Variants in TTN observed in about 807,000 individuals in gnomAD.
TTN encodes connectin.
A neutral mutation model predicts 3,223.0 loss-of-function variants in TTN; 1,525 were observed. That is an observed-to-expected ratio of 0.47 (90% CI 0.45 to 0.49). TTN has a LOEUF of 0.49. Among genes scored for constraint, TTN ranks in the 20% least tolerant of loss-of-function variants. The pLI, the probability that TTN is intolerant of heterozygous loss-of-function variation, is 0.00. For missense variants in TTN, 40,786 were observed against 43,424.0 expected, an observed-to-expected ratio of 0.94 and a Z score of 5.40; for synonymous variants, 14,094 against 15,161.0, an observed-to-expected ratio of 0.93 and a Z score of 5.17.
chr2:178,757,644 T>C lies in TTN; in HGVS notation c.10576A>G (p.Ile3526Val). The change falls in exon 45 of 363, where the codon ATA becomes GTA. Residue 3526 changes from isoleucine (I) to valine (V), a missense_variant. By Grantham distance (29) the Ile-to-Val change is conservative. Transcript: ENST00000589042. ...GCATGCTCTGAGTAAGCATCAACTA[T>C]AAGCATTAAAGCCATGCCTGTGGAC... ...EESTGMALML[I>V]VDAYSEHAGQ... is the part of the protein sequence containing the mutation. The C allele has an allele frequency of 1.2e-6, 2 of 1,613,814 alleles. No homozygotes were observed. Among genetic ancestry groups the C allele is most frequent in the Non-Finnish European group, 1.7e-6 (2 of 1,179,740 alleles).
In TTN at chr2:178,553,283, A is replaced by C; in HGVS notation, c.89617T>G (p.Trp29873Gly). 3 of 1,610,314 alleles carry C rather than the reference A, an allele frequency of 1.9e-6. No homozygotes were observed. The highest frequency in any genetic ancestry group is 2.5e-6 in the Non-Finnish European group (3 of 1,179,806). The change falls in exon 335 of 363, where the codon TGG becomes GGG. Residue 29873 changes from tryptophan to glycine, a missense_variant. Trp to Gly is a radical substitution (Grantham distance 184). Coordinates refer to ENST00000589042, the MANE Select transcript of TTN (RefSeq NM_001267550.2). The part of the protein sequence containing the change: ...FKGRPPPTVT[W>G]RKDEKNLGSD... Reference sequence around the variant, plus strand: ...CCAAGATTCTTCTCATCTTTTCTCCATGTGACAGTAGGTGGAGGTCTGCCT... The same window carrying C: ...CCAAGATTCTTCTCATCTTTTCTCCCTGTGACAGTAGGTGGAGGTCTGCCT...
At chr2:178,597,057 G>A (rs2051875457) in intron 294 of TTN, among the ~76,000 whole-genome samples, 1 of 152,008 alleles carries the variant, frequency 6.6e-6, no homozygotes, top group Non-Finnish European at 1.5e-5. Flanking sequence ...CTGGCAAATT[G>A]TTAAACATTC....
chr2:178,671,182 T>C lies in TTN; in HGVS notation c.35228-12A>G, dbSNP rs377168857. The C allele has an allele frequency of 1.5e-5, 24 of 1,585,280 alleles. No individual in the cohort carries two copies. The highest frequency in any genetic ancestry group is 2.0e-5 in the Non-Finnish European group (23 of 1,168,848). Reference sequence around the variant, plus strand: ...AGATATCTCAGGCCCTTCAAAGATATTAGTATTTTGGTTTAGAATGAACTC... The same window carrying C: ...AGATATCTCAGGCCCTTCAAAGATACTAGTATTTTGGTTTAGAATGAACTC... On this transcript the variant is annotated splice_polypyrimidine_tract_variant and intron_variant, in intron 155 of 362. Coordinates refer to ENST00000589042, the MANE Select transcript of TTN (RefSeq NM_001267550.2).
intron 145 of TTN, 51 bp downstream of exon 145, chr2:178,678,074 A>AACACCAG (rs778547346): frequency 1.4e-4 from 225 of 1,580,750 alleles, no homozygotes; most frequent in Admixed American, 2.4e-4. Context: ...AAGGCTGTAT[A>AACACCAG]ACACCAGTTA....
chr2:178,770,439 C>T lies in TTN; in HGVS notation c.8353G>A (p.Gly2785Arg). 1 of 1,614,140 alleles carries T rather than the reference C, an allele frequency of 6.2e-7. No individual in the cohort carries two copies. The highest frequency in any genetic ancestry group is 1.1e-5 in the South Asian group (1 of 91,082). The change falls in exon 35 of 363, where the codon GGA (glycine) becomes AGA (arginine). Residue 2785 changes from glycine to arginine, a missense_variant. Physicochemically the swap from Gly to Arg is moderately radical, Grantham distance 125 (BLOSUM62 -2). Coordinates refer to ENST00000589042, the MANE Select transcript of TTN (RefSeq NM_001267550.2). Reference protein sequence around the residue: ...SVYGFRLGRLGASARLHVETV... With the variant: ...SVYGFRLGRLRASARLHVETV... ...TCCACGTGCAGTCTGGCACTGGCTCCAAGCCTTCCAAGCCTGAAGCCATAA... is the reference window on the plus strand; with the variant it reads ...TCCACGTGCAGTCTGGCACTGGCTCTAAGCCTTCCAAGCCTGAAGCCATAA...
In TTN at chr2:178,605,588, G is replaced by C. The variant is rs1016726284; in HGVS notation, c.53707C>G (p.Arg17903Gly). 6.2e-7 allele frequency: 1 copy of C among 1,612,002 alleles called. No homozygotes were observed. Among genetic ancestry groups the C allele is most frequent in the South Asian group, 1.1e-5 (1 of 90,960 alleles). ...CTTTCAAAGTCAGGTTTGTCATGAC[G>C]CCGTTTTTCAATGATATATCCTTGG... ...PIQGYIIEKR[R>G]HDKPDFERVN... The change falls in exon 279 of 363, where the codon CGT becomes GGT. Residue 17903 changes from arginine to glycine, a missense_variant. By Grantham distance (125) the Arg-to-Gly change is moderately radical. Transcript: ENST00000589042.
chr2:178,568,393 G>A lies in TTN; in HGVS notation c.77739C>T (p.Asn25913=). The part of the protein sequence containing the change: ...VSAESITLSW[N]PPLYTGGCQI... Reference sequence around the variant, plus strand: ...GGCAGCCCCCTGTATATAATGGAGGGTTCCAAGATAATGTAATACTTTCAG... The same window carrying A: ...GGCAGCCCCCTGTATATAATGGAGGATTCCAAGATAATGTAATACTTTCAG... Residue 25913 remains asparagine, a synonymous_variant, in exon 326 of 363, where the codon AAC becomes AAT. Coordinates refer to ENST00000589042, the MANE Select transcript of TTN (RefSeq NM_001267550.2). The A allele has an allele frequency of 6.2e-7, 1 of 1,613,124 alleles. No individual in the cohort carries two copies. Among genetic ancestry groups the A allele is most frequent in the Non-Finnish European group, 8.5e-7 (1 of 1,179,522 alleles).
rs779963495 is a variant in TTN at position 178,534,544 on chromosome 2, A to G, written c.102071T>C (p.Ile34024Thr). 6 of 1,613,854 alleles carry G rather than the reference A, an allele frequency of 3.7e-6. No homozygotes were observed. Among genetic ancestry groups the G allele is most frequent in the Admixed American group, 3.3e-5 (2 of 60,014 alleles). The change falls in exon 358 of 363, where the codon ATT (isoleucine) becomes ACT (threonine). Residue 34024 changes from isoleucine (I) to threonine (T), a missense_variant. Ile to Thr is a moderately conservative substitution (Grantham distance 89). Transcript: ENST00000589042. ...PFLAETNQQIIENIMNAEYTF... is the reference protein window; with the variant it reads ...PFLAETNQQITENIMNAEYTF... The stretch of plus-strand genomic sequence containing the variant: ...ATATTCAGCATTCATGATATTCTCA[A>G]TGATCTGTTGGTTAGTTTCAGCCAG...
Position 178,711,806 on chromosome 2 carries a change from C to T in TTN, c.27886+138G>A, listed in dbSNP as rs2076699520. 4 of 917,262 alleles carry T rather than the reference C, an allele frequency of 4.4e-6. No homozygotes were observed. The South Asian group carries it at 7.6e-5, about 18-fold the overall frequency. 56.8% of individuals were successfully genotyped at this position (917,262 alleles called of 1,614,324 possible). A position where few individuals can be genotyped will look rare whatever the true frequency, so the allele number is the denominator to read the frequency against. On this transcript the variant is annotated intron_variant, in intron 96 of 362. Transcript: ENST00000589042. ...GTAGAATCCATAGAAAAAGATAAGC[C>T]ACTAACTGTAAATAGGATTACTTAA...
Position 178,651,279 on chromosome 2 carries a change from C to T in TTN, c.39589G>A (p.Ala13197Thr). The change falls in exon 208 of 363, where the codon GCT (alanine) becomes ACT (threonine). Residue 13197 changes from alanine (A) to threonine (T), a missense_variant. Ala to Thr is a moderately conservative substitution (Grantham distance 58, BLOSUM62 0). Transcript: ENST00000589042. ...GGGACTTCTGGCTTTTTGGGAACAG[C>T]TACTTTCTTTTCTGGAACAACTTCT... ...PKEVVPEKKV[A>T]VPKKPEVPPA... The T allele has an allele frequency of 6.2e-7, 1 of 1,613,198 alleles. No homozygotes were observed. The highest frequency in any genetic ancestry group is 2.2e-5 in the East Asian group (1 of 44,840).
At chr2:178,785,416 A>G (rs2093102232) in intron 15 of TTN, among the ~76,000 whole-genome samples, 1 of 152,124 alleles carries the variant, frequency 6.6e-6, no homozygotes, top group South Asian at 2.1e-4. Context: ...TAAGATAACC[A>G]CTTGTGACTC....
intron 15 of TTN, among the ~76,000 whole-genome samples, chr2:178,785,014 T>A (rs1375810940): frequency 6.6e-6 from 1 of 152,220 alleles, no homozygotes; most frequent in Non-Finnish European, 1.5e-5. Context: ...TATTACATGC[T>A]GACAACTGCA....
rs1043714210 is a variant in TTN, at chr2:178,720,500, A to C, written c.23262T>G (p.His7754Gln). 1.9e-6 allele frequency: 3 copies of C among 1,613,576 alleles called. No individual in the cohort carries two copies. In the African/African-American group the frequency reaches 4.0e-5, roughly 22 times the overall value. The change falls in exon 80 of 363, where the codon CAT (histidine) becomes CAG (glutamine). Residue 7754 changes from histidine (H) to glutamine (Q), a missense_variant. His to Gln is a conservative substitution (Grantham distance 24, BLOSUM62 0). Coordinates refer to ENST00000589042, the MANE Select transcript of TTN (RefSeq NM_001267550.2). ...NSKKFKITSK[H>Q]FDTSLHILNL... is the part of the protein sequence containing the mutation. ...TAAGGATATGAAGACTTGTATCAAAATGTTTTGAAGTGATTTTAAATTTCT... is the reference window on the plus strand; with the variant it reads ...TAAGGATATGAAGACTTGTATCAAACTGTTTTGAAGTGATTTTAAATTTCT...
rs1170087818 is a variant in TTN, at chr2:178,724,000, C to T, written c.21259G>A (p.Gly7087Arg). 1.2e-6 allele frequency: 2 copies of T among 1,613,562 alleles called. No homozygotes were observed. The highest frequency in any genetic ancestry group is 1.1e-5 in the South Asian group (1 of 91,072). The change falls in exon 73 of 363, where the codon GGA becomes AGA. Residue 7087 changes from glycine to arginine, a missense_variant. Coordinates refer to ENST00000589042, the MANE Select transcript of TTN (RefSeq NM_001267550.2). ...WFHEKTKIVSGAKYQTTFSDN... is the reference protein window; with the variant it reads ...WFHEKTKIVSRAKYQTTFSDN... The stretch of plus-strand genomic sequence containing the variant: ...GAAAATGTGGTTTGGTACTTTGCTC[C>T]ACTGACAATCTTGGTTTTCTCATGA...
At position 178,595,571 on chromosome 2, in the gene TTN, T is replaced by A; in HGVS notation, c.57783A>T (p.Glu19261Asp). Residue 19261 changes from glutamate (E) to aspartate (D), a missense_variant, in exon 295 of 363, where the codon GAA becomes GAT. By Grantham distance (45) the Glu-to-Asp change is conservative. Coordinates refer to ENST00000589042, the MANE Select transcript of TTN (RefSeq NM_001267550.2). ...GKAYFFRIAA[E>D]NSIGMGPFVE... is the part of the protein sequence containing the mutation. ...CAAATGGACCCATGCCAATACTATT[T>A]TCAGCCGCAATTCGGAAAAAGTAGG... The A allele has an allele frequency of 1.3e-6, 2 of 1,577,032 alleles. No homozygotes were observed. Among genetic ancestry groups the A allele is most frequent in the Non-Finnish European group, 1.7e-6 (2 of 1,159,620 alleles).
At chr2:178,635,769 A>T (rs919150185) in intron 226 of TTN, 54 bp from the exon 227 acceptor site, 7 of 1,539,266 alleles carry the variant, frequency 4.5e-6, no homozygotes, top group Non-Finnish European at 5.2e-6. Flanking sequence ...AGTAATATAC[A>T]TAGCTTCCTT....
Position 178,548,222 on chromosome 2 carries a change from A to G in TTN, c.93404T>C (p.Leu31135Pro), listed in dbSNP as rs1284369744. The G allele has an allele frequency of 1.2e-6, 2 of 1,613,758 alleles. No individual in the cohort carries two copies. Among genetic ancestry groups the G allele is most frequent in the Non-Finnish European group, 1.7e-6 (2 of 1,179,810 alleles). Residue 31135 changes from leucine to proline, a missense_variant, in exon 339 of 363, where the codon CTT becomes CCT. Coordinates refer to ENST00000589042, the MANE Select transcript of TTN (RefSeq NM_001267550.2). This position sits in a 1 kb window ranked among gnomAD's most constrained non-coding sequence, Gnocchi z 4.3. ...GCTGCCTCCATCGTGGTCAGGTTTA[A>G]GCCAAGCTAAGACTGCGGAGGATTT... ...TSKSSAVLAW[L>P]KPDHDGGSRI...
chr2:178,579,559 A>G lies in TTN; in HGVS notation c.67636+2T>C, dbSNP rs1575872984. ...AATGAAGATGTGTGCATAGAGCCTT[A>G]CCAACATCATCCCTTGCCACAACAG... On this transcript the variant is annotated splice_donor_variant, in intron 319 of 362. Transcript: ENST00000589042. LOFTEE classifies it high-confidence loss of function. The G allele has an allele frequency of 6.2e-7, 1 of 1,612,888 alleles. No homozygotes were observed. The highest frequency in any genetic ancestry group is 1.3e-5 in the African/African-American group (1 of 74,870).
rs1187175097 is a variant in TTN, at chr2:178,531,649, T to C, written c.104966A>G (p.His34989Arg). 9 of 1,613,902 alleles carry C rather than the reference T, an allele frequency of 5.6e-6. No homozygotes were observed. Among genetic ancestry groups the C allele is most frequent in the Non-Finnish European group, 6.8e-6 (8 of 1,179,882 alleles). Reference protein sequence around the residue: ...GVELQESSKIHYTNTSGVLTL... With the variant: ...GVELQESSKIRYTNTSGVLTL... The stretch of plus-strand genomic sequence containing the variant: ...GAGGACTCCACTCGTGTTGGTGTAA[T>C]GAATCTTACTGCTTTCTTGGAGTTC... The change falls in exon 358 of 363, where the codon CAT becomes CGT. Residue 34989 changes from histidine to arginine, a missense_variant. His to Arg is a conservative substitution (Grantham distance 29). Coordinates refer to ENST00000589042, the MANE Select transcript of TTN (RefSeq NM_001267550.2).
Sources: gnomAD v4.1 joint callset for allele counts (sites outside exome capture counted in the v4.1 genomes callset) on GRCh38, gnomAD v4.1.1 for gene constraint, Gnocchi (gnomAD v3.1) non-coding constraint, MANE v1.5 for transcripts, NCBI Gene and HGNC (gene_info 2026-07-23, HGNC 2026-07-21) for gene names.